NSD2: variants seen among roughly 807,000 people sequenced by gnomAD.
NSD2 encodes nuclear receptor binding SET domain protein 2, also known as histone-lysine N-methyltransferase NSD2.
Under a neutral mutation model 139.0 loss-of-function variants are expected in NSD2, and 12 were observed. That is an observed-to-expected ratio of 0.09 (90% CI 0.06 to 0.14). The LOEUF (loss-of-function observed/expected upper bound fraction) is 0.14. NSD2 is among the 10% of genes least tolerant of loss of function. The pLI, the probability that NSD2 is intolerant of heterozygous loss-of-function variation, is 1.00. For synonymous variants in NSD2, 669 were observed against 648.7 expected (o/e 1.03, Z -0.48); for missense variants, 1,155 against 1,745.0 (o/e 0.66, Z 6.02).
intron 1 of NSD2, among the ~76,000 whole-genome samples, chr4:1,891,171 G>A (rs1380643449): frequency 6.6e-6 from 1 of 152,164 alleles, no homozygotes; most frequent in Non-Finnish European, 1.5e-5. Context: ...TGAGATTACA[G>A]GTGTGAGCCA....
At chr4:1,894,294 A>G (rs1235155688) in intron 1 of NSD2, among the ~76,000 whole-genome samples, 1 of 152,178 alleles carries the variant, frequency 6.6e-6, no homozygotes, top group African/African-American at 2.4e-5. Context: ...TGTCATTTCA[A>G]TACAATGTAT....
At chr4:1,875,567 GAATT>G (rs1443741100) in intron 1 of NSD2, among the ~76,000 whole-genome samples, 1 of 152,096 alleles carries the variant, frequency 6.6e-6, no homozygotes, top group Non-Finnish European at 1.5e-5. Context: ...GCTTTTTAAA[GAATT>G]GATTGATTTG....
chr4:1,973,704 G>A lies in NSD2; in HGVS notation c.3373-1159G>A, dbSNP rs917131701. Among the ~76,000 whole-genome samples the A allele has an allele frequency of 6.6e-6, 1 of 152,264 alleles. No individual in the cohort carries two copies. The highest frequency in any genetic ancestry group is 1.5e-5 in the Non-Finnish European group (1 of 68,046). On this transcript the variant is annotated intron_variant, in intron 18 of 21. Transcript: ENST00000508803. This position sits in a 1 kb window ranked among gnomAD's most constrained non-coding sequence, Gnocchi z 5.5. ...ACCAGGGCTGGGTGCGTGGGCAGTT[G>A]TGTCAGAGGCCGCGTGTGAATAGTG...
In NSD2 at chr4:1,951,525, A is replaced by C. The variant is rs534017227; in HGVS notation, c.2013+322A>C. Among the ~76,000 whole-genome samples the C allele has an allele frequency of 2.7e-3, 350 of 130,284 alleles. 1 individual carries two copies. Among genetic ancestry groups the C allele is most frequent in the Non-Finnish European group, 3.0e-3 (188 of 62,020 alleles). 85.5% of individuals were successfully genotyped at this position (130,284 alleles called of 152,430 possible). On this transcript the variant is annotated intron_variant, in intron 10 of 21. Transcript: ENST00000508803. ...ACACACACACACACACACACACACA[A>C]AGTTCCTGTTGGAAAAGGTGAGGTG...
At chr4:1,946,851 C>T (rs765776797) in intron 9 of NSD2, 17 of 1,058,190 alleles carry the variant, frequency 1.6e-5, no homozygotes, top group Non-Finnish European at 1.9e-5. Context: ...CAGGCCTCAT[C>T]TTTTTGGTTG....
chr4:1,944,089 G>T, intron 9 of NSD2: 2 of 1,066,284 alleles, frequency 1.9e-6, no homozygotes, highest in Non-Finnish European at 2.3e-6. Context: ...TCAGCGGGGG[G>T]TGGGGTGACA....
At chr4:1,918,919 G>A (rs1391242895) in intron 5 of NSD2, 2 of 260,812 alleles carry the variant, frequency 7.7e-6, no homozygotes, top group South Asian at 5.9e-5. Flanking sequence ...AGGCCAAGGC[G>A]GGAGGATTGC....
intron 9 of NSD2, chr4:1,943,616 G>A: frequency 1.9e-6 from 2 of 1,048,618 alleles, no homozygotes; most frequent in East Asian, 1.1e-4. Context: ...TTCCTCTATT[G>A]GCTCTGCTCA....
intron 5 of NSD2, among the ~76,000 whole-genome samples, chr4:1,926,327 GTA>G (rs1720911755): frequency 1.3e-5 from 2 of 151,158 alleles, no homozygotes; most frequent in African/African-American, 4.9e-5. Context: ...GCTAATTTTT[GTA>G]TTTTTAGTAG....
intron 5 of NSD2, among the ~76,000 whole-genome samples, chr4:1,925,069 C>T (rs1424502197): frequency 2.0e-5 from 3 of 152,204 alleles, no homozygotes; most frequent in African/African-American, 4.8e-5. Flanking sequence ...TTTCTGTTAT[C>T]GGAAAAGCAA....
chr4:1,873,669 C>CTT (rs2108879169), intron 1 of NSD2, among the ~76,000 whole-genome samples: 1 of 152,296 alleles, frequency 6.6e-6, no homozygotes, highest in East Asian at 1.9e-4. Context: ...GTAATCAAAT[C>CTT]TTACAAAGTT....
intron 1 of NSD2, among the ~76,000 whole-genome samples, chr4:1,891,635 G>A (rs1465779468): frequency 6.6e-6 from 1 of 152,034 alleles, no homozygotes; most frequent in Non-Finnish European, 1.5e-5. Context: ...GGCAGTTCAC[G>A]AGGTGAGGAG....
At chr4:1,879,794 C>T (rs895685257) in intron 1 of NSD2, among the ~76,000 whole-genome samples, 3 of 151,434 alleles carry the variant, frequency 2.0e-5, no homozygotes, top group Non-Finnish European at 4.4e-5. Context: ...CTACCAGAAC[C>T]GGGTGTTGCA....
At chr4:1,883,607 G>T (rs1033263868) in intron 1 of NSD2, among the ~76,000 whole-genome samples, 2 of 150,968 alleles carry the variant, frequency 1.3e-5, no homozygotes, top group Admixed American at 6.6e-5. Context: ...CTCCAACCTG[G>T]GTAACAGAGC....
chr4:1,877,660 C>T (rs1410264228), intron 1 of NSD2, among the ~76,000 whole-genome samples: 3 of 152,154 alleles, frequency 2.0e-5, no homozygotes, highest in Admixed American at 6.5e-5. Flanking sequence ...TCTTTTCCAT[C>T]GTCACCCACT....
In NSD2 at chr4:1,942,355, C is replaced by G; in HGVS notation, c.1881+2577C>G. 6.2e-7 allele frequency: 1 copy of G among 1,613,800 alleles called. No individual in the cohort carries two copies. The highest frequency in any genetic ancestry group is 1.7e-5 in the Admixed American group (1 of 59,894). On this transcript the variant is annotated intron_variant, in intron 9 of 21. Coordinates refer to ENST00000508803, the MANE Select transcript of NSD2 (RefSeq NM_001042424.3). This position sits in a 1 kb window ranked among gnomAD's most constrained non-coding sequence, Gnocchi z 4.0. ...TGGTAACAGCTTTTGTGGGAGCCCA[C>G]ACCAGTCAAGTTGGATTTGAACCCA...
chr4:1,927,951 G>A (rs977150115), intron 5 of NSD2, among the ~76,000 whole-genome samples: 2 of 151,988 alleles, frequency 1.3e-5, no homozygotes, highest in African/African-American at 2.4e-5. Flanking sequence ...ATGCAGTGGT[G>A]CAATCATAGG....
intron 2 of NSD2, among the ~76,000 whole-genome samples, chr4:1,903,891 C>T (rs1025354651): frequency 1.4e-4 from 21 of 152,030 alleles, no homozygotes; most frequent in South Asian, 6.2e-4. Flanking sequence ...CCTGCCACCA[C>T]GCCCGGCTAA....
chr4:1,978,900 G>A lies in NSD2; in HGVS notation c.4089G>A (p.Glu1363=). Residue 1363 remains glutamate (E), a synonymous_variant, in exon 22 of 22, where the codon GAG becomes GAA. Coordinates refer to ENST00000508803, the MANE Select transcript of NSD2 (RefSeq NM_001042424.3). ...GGAGGGGCTGGCGGAGAGTCACAGA[G>A]GGCAAATAGCGCCAGGCGGCCGCTT... ...RRRRGWRRVT[E]GK is the part of the protein sequence containing the mutation. The A allele has an allele frequency of 1.0e-5, 16 of 1,542,380 alleles. No individual in the cohort carries two copies. The highest frequency in any genetic ancestry group is 1.4e-5 in the Non-Finnish European group (16 of 1,142,640).
Sources: allele counts gnomAD v4.1 joint callset (sites outside exome capture counted in the v4.1 genomes callset), GRCh38; gene constraint gnomAD v4.1.1; non-coding constraint Gnocchi (gnomAD v3.1); transcripts MANE v1.5; gene names NCBI Gene and HGNC (gene_info 2026-07-23, HGNC 2026-07-21).